TOM1: variants seen among roughly 807,000 people sequenced by gnomAD.
TOM1 encodes target of myb1 membrane trafficking protein.
A neutral mutation model predicts 61.3 loss-of-function variants in TOM1; 38 were observed. The observed-to-expected ratio is 0.62, with a 90% CI of 0.48 to 0.81. TOM1 has a LOEUF of 0.81. TOM1 is among the 40% of genes least tolerant of loss of function. The probability of loss-of-function intolerance (pLI) is 0.00; values close to 1 mark genes in which losing one functional copy is unlikely to be tolerated. For synonymous variants in TOM1, 270 were observed against 268.8 expected, an observed-to-expected ratio of 1.00 and a Z score of -0.04; for missense variants, 591 against 659.6, an observed-to-expected ratio of 0.90 and a Z score of 1.14.
At chr22:35,318,879 T>G (rs1460322515) in intron 2 of TOM1, among the ~76,000 whole-genome samples, 1 of 152,206 alleles carries the variant, frequency 6.6e-6, no homozygotes, top group East Asian at 1.9e-4. Flanking sequence ...CCGCGGCCAG[T>G]GCAGGGTTCC....
chr22:35,343,693 ACT>A (rs1358657505), intron 12 of TOM1, among the ~76,000 whole-genome samples: 1 of 135,552 alleles, frequency 7.4e-6, no homozygotes, highest in African/African-American at 2.9e-5. Context: ...ACACCTACAC[ACT>A]CATACACCTA....
intron 1 of TOM1, among the ~76,000 whole-genome samples, chr22:35,304,430 CT>C (rs758148626): frequency 3.9e-5 from 6 of 152,342 alleles, no homozygotes; most frequent in Non-Finnish European, 5.9e-5. Flanking sequence ...ATTTCAAACC[CT>C]TTCCAGATAT....
At position 35,345,765 on chromosome 22, in the gene TOM1, A is replaced by T. The variant is rs1252471665; in HGVS notation, c.1265A>T (p.Gln422Leu). The T allele has an allele frequency of 6.2e-7, 1 of 1,614,150 alleles. No individual in the cohort carries two copies. The highest frequency in any genetic ancestry group is 1.7e-5 in the Admixed American group (1 of 60,030). ...TQACLMEDIE[Q>L]WLSTDVGNDA... Reference sequence around the variant, plus strand: ...GCCTGCCTCATGGAGGACATCGAGCAGTGGCTGTCCACTGACGTGGTATGT... The same window carrying T: ...GCCTGCCTCATGGAGGACATCGAGCTGTGGCTGTCCACTGACGTGGTATGT... Residue 422 changes from glutamine to leucine, a missense_variant, in exon 13 of 15, where the codon CAG becomes CTG. Transcript: ENST00000449058.
chr22:35,322,753 C>G (rs998434797), intron 3 of TOM1: 2 of 425,740 alleles, frequency 4.7e-6, no homozygotes, highest in East Asian at 4.3e-5. Context: ...AGCTCAGAGA[C>G]AGCATTGGGA....
intron 12 of TOM1, among the ~76,000 whole-genome samples, chr22:35,340,688 G>C (rs1319875268): frequency 1.3e-5 from 2 of 152,106 alleles, no homozygotes; most frequent in African/African-American, 2.4e-5. Flanking sequence ...TGGAGGTTGT[G>C]GTGAGCTGAG....
At chr22:35,311,571 C>T (rs1336457924) in intron 1 of TOM1, among the ~76,000 whole-genome samples, 2 of 152,214 alleles carry the variant, frequency 1.3e-5, no homozygotes, top group Non-Finnish European at 2.9e-5. Flanking sequence ...GAGCCTCAGT[C>T]GGTCATTCCA....
At chr22:35,337,556 A>G (rs1403670173) in intron 11 of TOM1, among the ~76,000 whole-genome samples, 2 of 152,230 alleles carry the variant, frequency 1.3e-5, no homozygotes, top group Admixed American at 1.3e-4. Context: ...GGGAAGGAAC[A>G]GACAGCAGCA....
Position 35,322,048 on chromosome 22 carries a change from C to T in TOM1, c.216+11C>T. The T allele has an allele frequency of 6.2e-7, 1 of 1,612,322 alleles. No homozygotes were observed. On this transcript the variant is annotated intron_variant, in intron 3 of 14. Transcript: ENST00000449058. ...ATGCTGGCTCTCACAGTGAGTGCCC[C>T]ATCTGTCTGTCCTGTGGCAGGACTA...
chr22:35,310,700 A>G (rs1392571503), intron 1 of TOM1, among the ~76,000 whole-genome samples: 1 of 152,244 alleles, frequency 6.6e-6, no homozygotes, highest in Non-Finnish European at 1.5e-5. Context: ...ATACAGCCTC[A>G]TCTTTCATTC....
intron 12 of TOM1, among the ~76,000 whole-genome samples, chr22:35,342,897 C>T (rs1930004529): frequency 6.9e-6 from 1 of 144,522 alleles, no homozygotes. Context: ...ACACACACAT[C>T]TACACCCACC....
At chr22:35,345,820 A>T in intron 13 of TOM1, 36 bp downstream of exon 13, 1 of 1,609,248 alleles carries the variant, frequency 6.2e-7, no homozygotes. Context: ...ACACAGCAGG[A>T]GGACCCGTTG....
At chr22:35,299,445 G>C (rs1426972998), upstream of TOM1, 1 of 154,494 alleles carries the variant, frequency 6.5e-6, no homozygotes, top group Non-Finnish European at 1.4e-5. Flanking sequence ...CAAACAGGAA[G>C]AGTCTTACCG....
chr22:35,303,273 G>C (rs976764475), intron 1 of TOM1, among the ~76,000 whole-genome samples: 2 of 151,906 alleles, frequency 1.3e-5, no homozygotes, highest in African/African-American at 4.8e-5. Context: ...CCCCAAGCCC[G>C]ACGTTGCTCT....
intron 13 of TOM1, 80 bp from the exon 14 acceptor site, chr22:35,346,850 C>T (rs1930544002): frequency 1.0e-5 from 14 of 1,376,716 alleles, no homozygotes; most frequent in East Asian, 6.9e-5. Context: ...CAGCGGGGCC[C>T]GAGCTGCAGC....
chr22:35,343,459 C>T (rs563854870), intron 12 of TOM1, among the ~76,000 whole-genome samples: 115 of 145,554 alleles, frequency 7.9e-4, no homozygotes, highest in African/African-American at 2.8e-3. Context: ...CACCTACACA[C>T]ACACATTCAT....
At chr22:35,330,175 T>C (rs1176818367) in intron 7 of TOM1, among the ~76,000 whole-genome samples, 172 bp from the exon 8 acceptor site, 3 of 151,912 alleles carry the variant, frequency 2.0e-5, no homozygotes, top group Non-Finnish European at 4.4e-5. Context: ...TCCCAGCTAC[T>C]TGGGAGGCTG....
At chr22:35,299,666 A>G, upstream of TOM1, 1 of 501,518 alleles carries the variant, frequency 2.0e-6, no homozygotes, top group Middle Eastern at 5.3e-4. Context: ...CTTAAAGAGG[A>G]CCGCGCTTCC....
At chr22:35,338,868 G>A (rs1929623771) in intron 12 of TOM1, 80 bp downstream of exon 12, 8 of 1,361,210 alleles carry the variant, frequency 5.9e-6, no homozygotes, top group Non-Finnish European at 7.8e-6. Context: ...GTGCCGTTGT[G>A]GGCCAAGCAC....
In TOM1 at chr22:35,323,976, G is replaced by A. The variant is rs1928090638; in HGVS notation, c.648+62G>A. On this transcript the variant is annotated intron_variant, in intron 6 of 14. Transcript: ENST00000449058. This position sits in a 1 kb window ranked among gnomAD's most constrained non-coding sequence, Gnocchi z 4.2. ...CAGGTGGGCCACACACGTCAGGGAG[G>A]GCCCCCTGTCAGAATTTACCATCCA... 18 of 1,498,056 alleles carry A rather than the reference G, an allele frequency of 1.2e-5. 1 individual carries two copies. In the South Asian group the frequency reaches 2.2e-4, roughly 18 times the overall value. 92.8% of individuals were successfully genotyped at this position (1,498,056 alleles called of 1,614,324 possible). A position where few individuals can be genotyped will look rare whatever the true frequency, so the allele number is the denominator to read the frequency against.
Sources: allele counts gnomAD v4.1 joint callset (sites outside exome capture counted in the v4.1 genomes callset), GRCh38; gene constraint gnomAD v4.1.1; non-coding constraint Gnocchi (gnomAD v3.1); transcripts MANE v1.5; gene names NCBI Gene and HGNC (gene_info 2026-07-23, HGNC 2026-07-21).